The following EIF4ENIF1 variants were observed in gnomAD, a reference collection of about 807,000 sequenced individuals.
EIF4ENIF1 encodes eukaryotic translation initiation factor 4E transporter.
In EIF4ENIF1, 23 loss-of-function variants were observed where a neutral mutation model predicts 110.5. The observed-to-expected ratio is 0.21, with a 90% confidence interval of 0.15 to 0.29. The LOEUF (loss-of-function observed/expected upper bound fraction) is 0.29, where lower values mean the gene tolerates loss of function less well. EIF4ENIF1 is among the 10% of genes least tolerant of loss of function. EIF4ENIF1 has a pLI of 1.00. For missense variants in EIF4ENIF1, 1,031 were observed against 1,221.1 expected, an observed-to-expected ratio of 0.84 and a Z score of 2.32; for synonymous variants, 440 against 437.0, an observed-to-expected ratio of 1.01 and a Z score of -0.09.
At position 31,439,878 on chromosome 22, in the gene EIF4ENIF1, GCTCA is replaced by G; in HGVS notation, c.2956_*1del. On this transcript the variant is annotated stop_lost and 3_prime_UTR_variant, in exon 19 of 19. Coordinates refer to ENST00000330125, the MANE Select transcript of EIF4ENIF1 (RefSeq NM_019843.4). ...GGGCTTAGTTGAGTCTGCCTGCCCTGCTCACTGTCGGTATTCCAATTCATCTACA... is the reference window on the plus strand; with the variant it reads ...GGGCTTAGTTGAGTCTGCCTGCCCTGCTGTCGGTATTCCAATTCATCTACA... The G allele has an allele frequency of 1.9e-6, 3 of 1,612,488 alleles. No individual in the cohort carries two copies. Among genetic ancestry groups the G allele is most frequent in the Non-Finnish European group, 2.5e-6 (3 of 1,179,976 alleles).
At chr22:31,490,444 C>T (rs1273851922), upstream of EIF4ENIF1, among the ~76,000 whole-genome samples, 1 of 152,174 alleles carries the variant, frequency 6.6e-6, no homozygotes, top group Non-Finnish European at 1.5e-5. Flanking sequence ...CTAAAATGGC[C>T]TCTGTAAATC....
intron 2 of EIF4ENIF1, among the ~76,000 whole-genome samples, chr22:31,472,417 C>T (rs1035716897): frequency 5.9e-5 from 9 of 152,176 alleles, no homozygotes; most frequent in South Asian, 2.1e-4. Flanking sequence ...TACAGGCACA[C>T]GCCACCATGC....
chr22:31,441,895 TTGG>T lies in EIF4ENIF1; in HGVS notation c.2427_2429del (p.His809del). On this transcript the variant is annotated inframe_deletion, in exon 17 of 19. Coordinates refer to ENST00000330125, the MANE Select transcript of EIF4ENIF1 (RefSeq NM_019843.4). The stretch of plus-strand genomic sequence containing the variant: ...TAGGGACATGGGGGACAAGGGGAAC[TTGG>T]TGGACAGGGCGGAGAAAAGGTGTTG... 6.2e-7 allele frequency: 1 copy of T among 1,614,132 alleles called. No homozygotes were observed.
chr22:31,492,534 C>T (rs1052067143), upstream of EIF4ENIF1, among the ~76,000 whole-genome samples: 5 of 152,176 alleles, frequency 3.3e-5, no homozygotes, highest in African/African-American at 1.2e-4. Context: ...GGCCTCAACT[C>T]ATTTCTTACC....
chr22:31,483,299 A>G (rs2051897250), intron 2 of EIF4ENIF1, among the ~76,000 whole-genome samples: 1 of 147,588 alleles, frequency 6.8e-6, no homozygotes, highest in Non-Finnish European at 1.5e-5. Flanking sequence ...CTGCAGCCTC[A>G]AACGATTCTC....
At chr22:31,457,140 G>C (rs1475257795) in intron 7 of EIF4ENIF1, among the ~76,000 whole-genome samples, 1 of 152,202 alleles carries the variant, frequency 6.6e-6, no homozygotes, top group Admixed American at 6.5e-5. Flanking sequence ...GAAAAAGTAT[G>C]ATTGTGGAAG....
intron 9 of EIF4ENIF1, 188 bp from the exon 10 acceptor site, chr22:31,454,564 A>C: frequency 1.7e-6 from 1 of 599,742 alleles, no homozygotes; most frequent in Non-Finnish European, 2.9e-6. Flanking sequence ...AGATGGCATA[A>C]ACTAAACCTA....
intron 10 of EIF4ENIF1, chr22:31,451,300 A>C (rs927375834): frequency 6.6e-6 from 1 of 152,170 alleles, no homozygotes; most frequent in African/African-American, 2.4e-5. Context: ...TTTGAGACAG[A>C]GTCTTGCTCT....
At position 31,489,116 on chromosome 22, in the gene EIF4ENIF1, G is replaced by C. The variant is rs749453243; in HGVS notation, c.-27-371C>G. On this transcript the variant is annotated intron_variant, in intron 1 of 18. Transcript: ENST00000330125. ...AGAAGACTGGTTAGGCTGGGAACCC[G>C]CGAAGTCTGTTGGAAAGTGCCTGTC... 3 of 172,840 alleles carry C rather than the reference G, an allele frequency of 1.7e-5. No homozygotes were observed. In the South Asian group the frequency reaches 3.6e-4, roughly 20 times the overall value. The allele number at this position is 172,840 out of a possible 1,614,324, so 10.7% of individuals were successfully genotyped here.
intron 14 of EIF4ENIF1, 130 bp downstream of exon 14, chr22:31,447,295 TG>T: frequency 2.8e-6 from 3 of 1,063,380 alleles, no homozygotes; most frequent in Non-Finnish European, 2.7e-6. Context: ...TGATTTGGAT[TG>T]GGATGGAATT....
chr22:31,489,065 G>A (rs1424958369), intron 1 of EIF4ENIF1: 2 of 212,464 alleles, frequency 9.4e-6, no homozygotes, highest in East Asian at 1.4e-4. Context: ...AGACTGGTGG[G>A]GAAGTTTCCC....
rs767678763 is a variant in EIF4ENIF1, at chr22:31,441,880, G to A, written c.2445C>T (p.Pro815=). Residue 815 remains proline (P), a synonymous_variant, in exon 17 of 19, where the codon CCC becomes CCT. Coordinates refer to ENST00000330125, the MANE Select transcript of EIF4ENIF1 (RefSeq NM_019843.4). ...LRPVHQVPLV[P]HVPMVRPAHQ... is the part of the protein sequence containing the mutation. ...GAGCAGGCCTAACCATAGGGACATG[G>A]GGGACAAGGGGAACTTGGTGGACAG... 43 of 1,614,070 alleles carry A rather than the reference G, an allele frequency of 2.7e-5. No individual in the cohort carries two copies. The highest frequency in any genetic ancestry group is 1.7e-4 in the Admixed American group (10 of 59,992).
At chr22:31,488,596 C>T (rs1351037503) in intron 2 of EIF4ENIF1, 27 bp downstream of exon 2, 5 of 1,613,916 alleles carry the variant, frequency 3.1e-6, no homozygotes, top group East Asian at 4.5e-5. Context: ...TAAAAAGAAA[C>T]ACTATTTCAT....
chr22:31,463,996 A>C, intron 4 of EIF4ENIF1, 29 bp from the exon 5 acceptor site: 2 of 1,591,880 alleles, frequency 1.3e-6, no homozygotes, highest in Non-Finnish European at 1.7e-6. Context: ...GACAAAGTTA[A>C]ACAAACCAAC....
chr22:31,441,819 C>T lies in EIF4ENIF1; in HGVS notation c.2506G>A (p.Ala836Thr). Reference protein sequence around the residue: ...LHPGLVQRMLAQGVHPQHLPS... With the variant: ...LHPGLVQRMLTQGVHPQHLPS... ...AGATGCTGTGGATGTACTCCCTGGGCCAGCATCCTCTGTACCAACCCTGGG... is the reference window on the plus strand; with the variant it reads ...AGATGCTGTGGATGTACTCCCTGGGTCAGCATCCTCTGTACCAACCCTGGG... The change falls in exon 17 of 19, where the codon GCC becomes ACC. Residue 836 changes from alanine (A) to threonine (T), a missense_variant. Transcript: ENST00000330125. The T allele has an allele frequency of 1.2e-6, 2 of 1,614,018 alleles. No individual in the cohort carries two copies. Among genetic ancestry groups the T allele is most frequent in the Non-Finnish European group, 1.7e-6 (2 of 1,179,992 alleles).
intron 4 of EIF4ENIF1, 79 bp from the exon 5 acceptor site, chr22:31,464,046 T>C: frequency 6.7e-7 from 1 of 1,501,508 alleles, no homozygotes; most frequent in African/African-American, 1.4e-5. Context: ...TGTCCATGAC[T>C]GATGGGAGGA....
intron 7 of EIF4ENIF1, among the ~76,000 whole-genome samples, chr22:31,458,165 T>C (rs1037757226): frequency 2.0e-5 from 3 of 150,416 alleles, no homozygotes; most frequent in African/African-American, 7.3e-5. Flanking sequence ...GAGACGGAGG[T>C]TGCAATGAGC....
chr22:31,445,961 C>CA (rs1002578674), intron 14 of EIF4ENIF1, among the ~76,000 whole-genome samples: 16 of 148,354 alleles, frequency 1.1e-4, no homozygotes, highest in African/African-American at 3.7e-4. Context: ...CCGCCCCCCC[C>CA]CCCCATCTAC....
chr22:31,473,751 G>A (rs1382913930), intron 2 of EIF4ENIF1, among the ~76,000 whole-genome samples: 1 of 152,108 alleles, frequency 6.6e-6, no homozygotes, highest in East Asian at 1.9e-4. Context: ...GTGCTAATTT[G>A]GATCATTTGG....
Sources: gnomAD v4.1 joint callset for allele counts (sites outside exome capture counted in the v4.1 genomes callset) on GRCh38, gnomAD v4.1.1 for gene constraint, MANE v1.5 for transcripts, NCBI Gene and HGNC (gene_info 2026-07-23, HGNC 2026-07-21) for gene names.